PIGX: variants seen among roughly 807,000 people sequenced by gnomAD.
PIGX encodes phosphatidylinositol glycan anchor biosynthesis class X.
Under a neutral mutation model 28.7 loss-of-function variants are expected in PIGX, and 24 were observed. The observed-to-expected ratio is 0.84, with a 90% CI of 0.60 to 1.17. PIGX has a LOEUF of 1.17. Ranked by LOEUF, PIGX falls within the 50% of genes most tolerant of loss-of-function variation. The probability of loss-of-function intolerance (pLI) is 0.00; values close to 1 mark genes in which losing one functional copy is unlikely to be tolerated. For missense variants in PIGX, 305 were observed against 317.8 expected (o/e 0.96, Z 0.31); for synonymous variants, 127 against 121.0 (o/e 1.05, Z -0.33).
intron 1 of PIGX, among the ~76,000 whole-genome samples, chr3:196,714,009 G>C (rs192402965): frequency 8.5e-4 from 130 of 152,254 alleles, no homozygotes; most frequent in African/African-American, 3.1e-3. Flanking sequence ...TGTACTATTT[G>C]TAAATTAGCC....
At chr3:196,732,216 T>TTATTTATATA (rs1400132891) in intron 5 of PIGX, among the ~76,000 whole-genome samples, 30 of 51,312 alleles carry the variant, frequency 5.8e-4, no homozygotes, top group African/African-American at 6.4e-4. Flanking sequence ...TATATATTAT[T>TTATTTATATA]TATATATATA....
intron 5 of PIGX, among the ~76,000 whole-genome samples, chr3:196,732,251 TATA>T (rs1313416835): frequency 1.9e-4 from 7 of 37,664 alleles, no homozygotes; most frequent in African/African-American, 9.4e-4. Context: ...TATATATATA[TATA>T]TATTTTATTT....
chr3:196,728,332 A>G (rs1462760131), intron 4 of PIGX, 196 bp downstream of exon 4: 236 of 591,848 alleles, frequency 4.0e-4, no homozygotes, highest in Non-Finnish European at 4.5e-5. Flanking sequence ...TTAATTTACA[A>G]TAAAAAAGTT....
chr3:196,716,601 A>C lies in PIGX; in HGVS notation c.113-257A>C, dbSNP rs566800527. On this transcript the variant is annotated intron_variant, in intron 1 of 5. Coordinates refer to ENST00000392391, the MANE Select transcript of PIGX (RefSeq NM_017861.4). The stretch of plus-strand genomic sequence containing the variant: ...AGATAAACTATCTTGCCCAAAGTTA[A>C]CACAGCTGTTAAGTTACAGACTGGG... 1.2e-4 allele frequency among the ~76,000 whole-genome samples: 19 copies of C among 152,320 alleles called. 1 individual carries two copies. The highest frequency in any genetic ancestry group is 4.6e-4 in the African/African-American group (19 of 41,576).
intron 1 of PIGX, among the ~76,000 whole-genome samples, chr3:196,713,968 G>T (rs1368405405): frequency 1.3e-5 from 2 of 151,970 alleles, no homozygotes; most frequent in South Asian, 4.1e-4. Flanking sequence ...TGGTACTTTT[G>T]CCTTTAAAAT....
At chr3:196,721,791 C>T (rs1421437818) in intron 2 of PIGX, among the ~76,000 whole-genome samples, 11 of 150,806 alleles carry the variant, frequency 7.3e-5, no homozygotes, top group Admixed American at 7.3e-4. Flanking sequence ...TTTGCTCTGT[C>T]ACCCAGGCTG....
chr3:196,722,500 G>A lies in PIGX; in HGVS notation c.262G>A (p.Gly88Arg). The change falls in exon 3 of 6, where the codon GGA (glycine) becomes AGA (arginine). Residue 88 changes from glycine (G) to arginine (R), a missense_variant. Physicochemically the swap from Gly to Arg is moderately radical, Grantham distance 125. Transcript: ENST00000392391. ...CTTAATTAAACAGGACATTCCTGCA[G>A]GACTTTATGTGGATCCGTATGAGTT... The A allele has an allele frequency of 6.2e-7, 1 of 1,613,486 alleles. No individual in the cohort carries two copies. The highest frequency in any genetic ancestry group is 8.5e-7 in the Non-Finnish European group (1 of 1,179,444).
intron 3 of PIGX, among the ~76,000 whole-genome samples, chr3:196,726,174 T>C: frequency 6.6e-6 from 1 of 152,086 alleles, no homozygotes; most frequent in East Asian, 1.9e-4. Flanking sequence ...GTCTATAGTC[T>C]CAGCTACTTG....
Position 196,712,560 on chromosome 3 carries a change from G to A in PIGX, c.28G>A (p.Ala10Thr). ...GGCGGCTCGGGTGGCGGCGGTTCGG[G>A]CGGCCGCCTGGCTGCTCCTCGGGGC... Residue 10 changes from alanine to threonine, a missense_variant, in exon 1 of 6, where the codon GCG becomes ACG. Physicochemically the swap from Ala to Thr is moderately conservative, Grantham distance 58. Coordinates refer to ENST00000392391, the MANE Select transcript of PIGX (RefSeq NM_017861.4). 2.5e-6 allele frequency: 3 copies of A among 1,183,434 alleles called. No individual in the cohort carries two copies. The highest frequency in any genetic ancestry group is 3.1e-6 in the Non-Finnish European group (3 of 956,756). The allele number at this position is 1,183,434 out of a possible 1,614,324, so 73.3% of individuals were successfully genotyped here. A position where few individuals can be genotyped will look rare whatever the true frequency, so the allele number is the denominator to read the frequency against.
At chr3:196,726,570 G>A (rs922248412) in intron 3 of PIGX, 1 of 428,392 alleles carries the variant, frequency 2.3e-6, no homozygotes, top group African/African-American at 2.1e-5. Flanking sequence ...TACTCTATGA[G>A]TACTTCAAAT....
chr3:196,732,239 TATATATATATATATATATTTTATTTTA>T (rs1560080568), intron 5 of PIGX, among the ~76,000 whole-genome samples: 53 of 65,856 alleles, frequency 8.0e-4, no homozygotes, highest in South Asian at 2.1e-3. Flanking sequence ...TATATATATA[TATATATATATATATATATTTTATTTTA>T]TTTTATTTTT....
Position 196,732,228 on chromosome 3 carries a change from A to ATG in PIGX, c.633+1137_633+1138insGT, listed in dbSNP as rs1560080507. Reference sequence around the variant, plus strand: ...ATGTATATATTATTTATATATATATATATATATATATATATATATATATAT... The same window carrying ATG: ...ATGTATATATTATTTATATATATATATGTATATATATATATATATATATATAT... On this transcript the variant is annotated intron_variant, in intron 5 of 5. Coordinates refer to ENST00000392391, the MANE Select transcript of PIGX (RefSeq NM_017861.4). Among the ~76,000 whole-genome samples the ATG allele has an allele frequency of 1.1e-4, 4 of 36,070 alleles. No homozygotes were observed. The South Asian group carries it at 2.3e-3, about 21-fold the overall frequency. 23.7% of individuals were successfully genotyped at this position (36,070 alleles called of 152,430 possible). A position where few individuals can be genotyped will look rare whatever the true frequency, so the allele number is the denominator to read the frequency against.
chr3:196,715,923 G>A (rs148887180), intron 1 of PIGX, among the ~76,000 whole-genome samples: 22 of 152,324 alleles, frequency 1.4e-4, no homozygotes, highest in African/African-American at 5.3e-4. Flanking sequence ...CTTTTGAAAT[G>A]GGACAAAGTT....
intron 2 of PIGX, among the ~76,000 whole-genome samples, chr3:196,717,302 A>AAAAAAAAAAAAAAAAAAT (rs1712140047): frequency 6.6e-6 from 1 of 151,232 alleles, no homozygotes; most frequent in Non-Finnish European, 1.5e-5. Flanking sequence ...CTCTGTCTCA[A>AAAAAAAAAAAAAAAAAAT]AAAAAGAAAA....
chr3:196,721,511 C>T (rs1418698788), intron 2 of PIGX, among the ~76,000 whole-genome samples: 2 of 151,966 alleles, frequency 1.3e-5, no homozygotes, highest in East Asian at 3.9e-4. Context: ...TCAGAGCTCA[C>T]TGCAGCCTCG....
intron 2 of PIGX, among the ~76,000 whole-genome samples, chr3:196,719,842 G>GTT (rs1373323730): frequency 1.3e-5 from 2 of 151,732 alleles, no homozygotes; most frequent in Non-Finnish European, 2.9e-5. Context: ...CCAGGCTGGA[G>GTT]TGCATGGCGC....
chr3:196,729,169 TAA>T (rs1423835510), intron 4 of PIGX, among the ~76,000 whole-genome samples: 3 of 151,630 alleles, frequency 2.0e-5, no homozygotes, highest in African/African-American at 7.3e-5. Flanking sequence ...CCGTCTCTAC[TAA>T]AAATACAAAA....
At position 196,712,480 on chromosome 3, in the gene PIGX, T is replaced by G; in HGVS notation, c.-53T>G. On this transcript the variant is annotated 5_prime_UTR_variant, in exon 1 of 6. Coordinates refer to ENST00000392391, the MANE Select transcript of PIGX (RefSeq NM_017861.4). ...AGCTGCGGGCGGCCAGGCCCCTTCC[T>G]GCGTCCGCACCTGGCCCCGCGCGCC... The G allele has an allele frequency of 1.1e-6, 1 of 904,464 alleles. No homozygotes were observed. Among genetic ancestry groups the G allele is most frequent in the Non-Finnish European group, 1.4e-6 (1 of 712,736 alleles). 56.0% of individuals were successfully genotyped at this position (904,464 alleles called of 1,614,324 possible). A position where few individuals can be genotyped will look rare whatever the true frequency, so the allele number is the denominator to read the frequency against.
At chr3:196,712,776 A>T (rs1345042568) in intron 1 of PIGX, 132 bp downstream of exon 1, 3 of 1,109,268 alleles carry the variant, frequency 2.7e-6, no homozygotes, top group Middle Eastern at 3.9e-4. Context: ...GAGGTCAGAC[A>T]CTAGAGCCGT....
Sources: gnomAD v4.1 joint callset for allele counts (sites outside exome capture counted in the v4.1 genomes callset) on GRCh38, gnomAD v4.1.1 for gene constraint, MANE v1.5 for transcripts, NCBI Gene and HGNC (gene_info 2026-07-23, HGNC 2026-07-21) for gene names.